The following PRH1 variants were observed in gnomAD, a reference collection of about 807,000 sequenced individuals.
PRH1 encodes salivary acidic proline-rich phosphoprotein 1/2.
Under a neutral mutation model 7.9 loss-of-function variants are expected in PRH1, and 7 were observed. The ratio of observed to expected loss-of-function variants is 0.89; its 90% CI spans 0.50 to 1.67. PRH1 has a LOEUF of 1.67. PRH1 is among the 40% of genes most tolerant of loss of function. The probability of loss-of-function intolerance (pLI) is 0.00; values close to 1 mark genes in which losing one functional copy is unlikely to be tolerated. For synonymous variants in PRH1, 45 were observed against 80.8 expected (o/e 0.56, Z 2.38); for missense variants, 109 against 223.6 (o/e 0.49, Z 3.27).
At chr12:10,904,637 G>T (rs1048470437) in intron 2 of PRH1, among the ~76,000 whole-genome samples, 1 of 152,018 alleles carries the variant, frequency 6.6e-6, no homozygotes, top group African/African-American at 2.4e-5. Context: ...TTATGACTAA[G>T]TCCCCAAAAG....
chr12:11,162,546 G>A (rs935197873), intron 1 of PRH1, among the ~76,000 whole-genome samples: 5 of 152,212 alleles, frequency 3.3e-5, no homozygotes, highest in Non-Finnish European at 5.9e-5. Flanking sequence ...CCCAGGAAAG[G>A]AGCATAAGTG....
At chr12:10,981,792 G>A (rs556012936) in intron 1 of PRH1, among the ~76,000 whole-genome samples, 1 of 151,842 alleles carries the variant, frequency 6.6e-6, no homozygotes, top group South Asian at 2.1e-4. Context: ...CGAATTCCTG[G>A]GCTAAAGCAA....
intron 2 of PRH1, chr12:10,908,516 C>G (rs1949840184): frequency 1.2e-6 from 2 of 1,613,784 alleles, no homozygotes; most frequent in African/African-American, 2.7e-5. Flanking sequence ...GCATGTAGAT[C>G]ACTGTGTTCT....
At chr12:11,010,819 C>CTA (rs10626938) in intron 1 of PRH1, among the ~76,000 whole-genome samples, 46,104 of 151,452 alleles carry the variant, frequency 0.3, 8,849 homozygotes, top group East Asian at 0.74. Context: ...AATTACATGA[C>CTA]TGATTTCATG....
intron 1 of PRH1, among the ~76,000 whole-genome samples, chr12:11,156,715 T>C (rs1947259385): frequency 3.3e-5 from 5 of 152,320 alleles, no homozygotes; most frequent in East Asian, 1.9e-4. Flanking sequence ...CTGTAAGTTA[T>C]TTCTATGGAT....
intron 1 of PRH1, among the ~76,000 whole-genome samples, chr12:11,032,834 A>G (rs963196541): frequency 1.1e-4 from 16 of 152,218 alleles, no homozygotes; most frequent in African/African-American, 3.6e-4. Context: ...TTGGAGTTCA[A>G]TCATTTCACT....
chr12:11,113,232 C>T (rs1448338943), intron 1 of PRH1, among the ~76,000 whole-genome samples: 1 of 152,024 alleles, frequency 6.6e-6, no homozygotes, highest in African/African-American at 2.4e-5. Context: ...TCACATGGAA[C>T]CAAAAAAGAG....
Position 11,104,740 on chromosome 12 carries a change from G to T in PRH1, n.124-57552C>A, listed in dbSNP as rs368507271. Among the ~76,000 whole-genome samples the T allele has an allele frequency of 4.6e-5, 7 of 152,146 alleles. 1 individual carries two copies. The South Asian group carries it at 1.2e-3, about 27-fold the overall frequency. On this transcript the variant is annotated intron_variant and non_coding_transcript_variant, in intron 1 of 4. Transcript: ENST00000541977. ...CCTTAATGAGATAATGCCATACTCA[G>T]CCGAAATGATGGCACAGATTTATAA...
At chr12:10,978,325 C>T (rs1224310102) in intron 1 of PRH1, among the ~76,000 whole-genome samples, 2 of 152,150 alleles carry the variant, frequency 1.3e-5, no homozygotes, top group Admixed American at 1.3e-4. Context: ...GACAGACCCC[C>T]TATTCAACAA....
At chr12:10,917,804 T>C (rs933468182) in intron 2 of PRH1, among the ~76,000 whole-genome samples, 7 of 152,246 alleles carry the variant, frequency 4.6e-5, no homozygotes, top group African/African-American at 1.7e-4. Context: ...CTCTTCTGAC[T>C]GAATTCGTGT....
intron 1 of PRH1, among the ~76,000 whole-genome samples, chr12:11,160,765 G>A (rs182848312): frequency 1.3e-5 from 2 of 152,068 alleles, no homozygotes; most frequent in African/African-American, 4.8e-5. Context: ...GAGCCACCAC[G>A]CCTGGCCCTG....
chr12:11,124,202 A>G (rs1326601790), intron 1 of PRH1, among the ~76,000 whole-genome samples: 1 of 152,278 alleles, frequency 6.6e-6, no homozygotes, highest in South Asian at 2.1e-4. Context: ...ATTTCAAAAT[A>G]TCATTGCAAT....
At chr12:11,104,358 T>C (rs1945348353) in intron 1 of PRH1, among the ~76,000 whole-genome samples, 1 of 152,114 alleles carries the variant, frequency 6.6e-6, no homozygotes, top group Admixed American at 6.6e-5. Flanking sequence ...ACCAATGTAA[T>C]GAATGACAAT....
At chr12:11,050,336 G>C (rs765097947), upstream of PRH1, among the ~76,000 whole-genome samples, 1 of 152,206 alleles carries the variant, frequency 6.6e-6, no homozygotes. Flanking sequence ...TGGGTCTGGC[G>C]AGTTATCTGC....
chr12:11,127,609 C>A (rs1163847739), intron 1 of PRH1, among the ~76,000 whole-genome samples: 2 of 124,272 alleles, frequency 1.6e-5, no homozygotes, highest in African/African-American at 5.4e-5. Context: ...CTCATTAACA[C>A]AAACACATTC....
rs1467932212 is a variant in PRH1, at chr12:11,088,029, G to A, written n.124-40841C>T. Among the ~76,000 whole-genome samples the A allele has an allele frequency of 4.1e-5, 5 of 122,372 alleles. 1 individual carries two copies. Among genetic ancestry groups the A allele is most frequent in the Admixed American group, 8.1e-5 (1 of 12,354 alleles). 80.3% of individuals were successfully genotyped at this position (122,372 alleles called of 152,430 possible). ...TTTAATTTACATTTTTTAAAACATCGTGATTATTTAATATATTAATAATAT... is the reference window on the plus strand; with the variant it reads ...TTTAATTTACATTTTTTAAAACATCATGATTATTTAATATATTAATAATAT... On this transcript the variant is annotated intron_variant and non_coding_transcript_variant, in intron 1 of 4. Transcript: ENST00000541977.
At chr12:11,067,164 AAT>A (rs1943858161) in intron 1 of PRH1, among the ~76,000 whole-genome samples, 1 of 127,208 alleles carries the variant, frequency 7.9e-6, no homozygotes, top group African/African-American at 2.7e-5. Context: ...GATCATGCTA[AAT>A]ATGTTTTATA....
intron 2 of PRH1, chr12:10,930,243 C>T (rs1950184266): frequency 6.2e-7 from 1 of 1,611,188 alleles, no homozygotes; most frequent in African/African-American, 1.3e-5. Flanking sequence ...AGTAACTTTT[C>T]CCATCATCCT....
intron 2 of PRH1, among the ~76,000 whole-genome samples, chr12:10,919,154 T>C (rs1204152092): frequency 6.6e-6 from 1 of 152,206 alleles, no homozygotes; most frequent in Non-Finnish European, 1.5e-5. Context: ...TGTTACACAT[T>C]TGTCTTATTT....
Sources: gnomAD v4.1 joint callset for allele counts (sites outside exome capture counted in the v4.1 genomes callset) on GRCh38, gnomAD v4.1.1 for gene constraint, MANE v1.5 for transcripts, NCBI Gene and HGNC (gene_info 2026-07-23, HGNC 2026-07-21) for gene names.